Variants in SDK1 observed in about 807,000 individuals in gnomAD.
SDK1 encodes protein sidekick-1.
SDK1 carries 157 observed loss-of-function variants against 245.5 expected under a neutral mutation model. That is an observed-to-expected ratio of 0.64 (90% confidence interval 0.56 to 0.73). SDK1 has a LOEUF of 0.73. Among genes scored for constraint, SDK1 ranks in the 30% least tolerant of loss-of-function variants. The pLI, the probability that SDK1 is intolerant of heterozygous loss-of-function variation, is 0.00. For synonymous variants in SDK1, 1,647 were observed against 1,278.5 expected, an observed-to-expected ratio of 1.29 and a Z score of -6.15; for missense variants, 3,583 against 3,002.3, an observed-to-expected ratio of 1.19 and a Z score of -4.52.
chr7:4,077,223 A>C (rs1584043637), intron 21 of SDK1, 34 bp downstream of exon 21: 1 of 1,592,746 alleles, frequency 6.3e-7, no homozygotes, highest in Non-Finnish European at 8.6e-7. Context: ...TCCTGCTGTC[A>C]CCTTTCTCTT....
chr7:3,440,361 G>T (rs1780159047), intron 1 of SDK1, among the ~76,000 whole-genome samples: 1 of 152,158 alleles, frequency 6.6e-6, no homozygotes, highest in Admixed American at 6.5e-5. Flanking sequence ...TATACAGTCT[G>T]TTGGTTCAGG....
intron 5 of SDK1, among the ~76,000 whole-genome samples, chr7:3,843,046 T>A (rs538604033): frequency 1.3e-5 from 2 of 152,052 alleles, no homozygotes; most frequent in East Asian, 3.9e-4. Context: ...GGAAAACCCA[T>A]GTGTAATGAA....
At chr7:3,633,217 A>G (rs1782351322) in intron 2 of SDK1, among the ~76,000 whole-genome samples, 1 of 152,190 alleles carries the variant, frequency 6.6e-6, no homozygotes, top group Non-Finnish European at 1.5e-5. Context: ...AGTCTTATCT[A>G]AAGTGACATA....
chr7:3,961,728 A>T (rs1338233646), intron 8 of SDK1, among the ~76,000 whole-genome samples: 4 of 152,210 alleles, frequency 2.6e-5, no homozygotes, highest in African/African-American at 9.6e-5. Context: ...GTGTTAAAAG[A>T]TGGCACTCAT....
chr7:3,350,498 T>C (rs7800260), intron 1 of SDK1, among the ~76,000 whole-genome samples: 1 of 152,040 alleles, frequency 6.6e-6, no homozygotes, highest in African/African-American at 2.4e-5. Flanking sequence ...TTCAGTCTTC[T>C]TGGTGGTTAT....
intron 17 of SDK1, among the ~76,000 whole-genome samples, chr7:4,031,128 CAG>C (rs1470853177): frequency 1.3e-5 from 2 of 151,954 alleles, no homozygotes; most frequent in Non-Finnish European, 2.9e-5. Flanking sequence ...TACATGGACA[CAG>C]ATAAGTCTAT....
intron 5 of SDK1, among the ~76,000 whole-genome samples, chr7:3,899,480 G>A (rs1781710635): frequency 6.6e-6 from 1 of 152,212 alleles, no homozygotes; most frequent in South Asian, 2.1e-4. Flanking sequence ...TAGGAAGGGG[G>A]AGCAGTGTGG....
At chr7:3,929,840 A>C (rs899700633) in intron 5 of SDK1, among the ~76,000 whole-genome samples, 1 of 152,050 alleles carries the variant, frequency 6.6e-6, no homozygotes, top group African/African-American at 2.4e-5. Flanking sequence ...ATTTATAAGG[A>C]AGCTGGCTCA....
rs183281977 is a variant in SDK1 at position 3,700,832 on chromosome 7, C to G, written c.713+58727C>G. On this transcript the variant is annotated intron_variant, in intron 4 of 44. Coordinates refer to ENST00000404826, the MANE Select transcript of SDK1 (RefSeq NM_152744.4). The stretch of plus-strand genomic sequence containing the variant: ...TCCTTCCAGATGACCCCAAATACCT[C>G]CCACCTTTTTTCCCCTTATTTCTAT... Among the ~76,000 whole-genome samples, 313 of 152,312 alleles carry G rather than the reference C, an allele frequency of 2.1e-3. 2 individuals carry two copies. Among genetic ancestry groups the G allele is most frequent in the African/African-American group, 7.2e-3 (299 of 41,568 alleles).
chr7:3,966,558 C>G (rs1374148474), intron 9 of SDK1, among the ~76,000 whole-genome samples: 2 of 152,120 alleles, frequency 1.3e-5, no homozygotes, highest in African/African-American at 4.8e-5. Flanking sequence ...GATCATGACA[C>G]CTCCCAGAAA....
Position 3,326,605 on chromosome 7 carries a change from C to T in SDK1, c.298+24721C>T, listed in dbSNP as rs1562415881. 2.0e-5 allele frequency among the ~76,000 whole-genome samples: 3 copies of T among 152,190 alleles called. 1 individual carries two copies. The highest frequency in any genetic ancestry group is 2.0e-4 in the Admixed American group (3 of 15,268). On this transcript the variant is annotated intron_variant, in intron 1 of 44. Coordinates refer to ENST00000404826, the MANE Select transcript of SDK1 (RefSeq NM_152744.4). Reference sequence around the variant, plus strand: ...TTTGGAAAGGTAGTGTTAGTTTACACATCCACTGAGTCCTCATTGCTACAT... The same window carrying T: ...TTTGGAAAGGTAGTGTTAGTTTACATATCCACTGAGTCCTCATTGCTACAT...
chr7:3,626,528 T>C (rs1239392261), intron 2 of SDK1, among the ~76,000 whole-genome samples: 1 of 152,242 alleles, frequency 6.6e-6, no homozygotes, highest in Non-Finnish European at 1.5e-5. Context: ...TGCTTGGTGC[T>C]GGGTGGCCCA....
At chr7:3,795,672 C>T (rs114856653) in intron 4 of SDK1, among the ~76,000 whole-genome samples, 151 of 152,028 alleles carry the variant, frequency 9.9e-4, no homozygotes, top group African/African-American at 3.6e-3. Context: ...GTATTAGAAC[C>T]CATCACGTTA....
chr7:3,828,072 G>A (rs2115069025), intron 5 of SDK1, among the ~76,000 whole-genome samples: 1 of 152,256 alleles, frequency 6.6e-6, no homozygotes, highest in East Asian at 1.9e-4. Context: ...GAGGTCAGGA[G>A]TTTGAGACCA....
At chr7:3,597,838 TA>T (rs1781115659) in intron 1 of SDK1, among the ~76,000 whole-genome samples, 1 of 152,220 alleles carries the variant, frequency 6.6e-6, no homozygotes, top group African/African-American at 2.4e-5. Flanking sequence ...TGTTTCTTTT[TA>T]TTGATGTACG....
intron 4 of SDK1, among the ~76,000 whole-genome samples, chr7:3,727,082 A>G (rs1779034014): frequency 6.6e-6 from 1 of 152,236 alleles, no homozygotes; most frequent in Non-Finnish European, 1.5e-5. Flanking sequence ...CATGCTTCTG[A>G]TAAGAAAGCA....
chr7:3,721,314 T>A (rs1261305355), intron 4 of SDK1, among the ~76,000 whole-genome samples: 1 of 152,224 alleles, frequency 6.6e-6, no homozygotes, highest in Admixed American at 6.5e-5. Context: ...AACATCAGTT[T>A]CCTGGTTTTG....
rs182287929 is a variant in SDK1 at position 3,555,565 on chromosome 7, G to A, written c.299-63515G>A. Among the ~76,000 whole-genome samples, 785 of 152,140 alleles carry A rather than the reference G, an allele frequency of 5.2e-3. 8 individuals carry two copies. The highest frequency in any genetic ancestry group is 0.018 in the African/African-American group (742 of 41,510). ...AAATATGGGCAAACAAAGCAAAAAT[G>A]GACAAATGAGATCACATGAAGTTAA... is the stretch of plus-strand genomic sequence containing the variant. On this transcript the variant is annotated intron_variant, in intron 1 of 44. Coordinates refer to ENST00000404826, the MANE Select transcript of SDK1 (RefSeq NM_152744.4).
intron 5 of SDK1, among the ~76,000 whole-genome samples, chr7:3,828,241 G>A (rs1016936207): frequency 6.6e-6 from 1 of 151,804 alleles, no homozygotes; most frequent in East Asian, 1.9e-4. Context: ...TCACTCCACT[G>A]CACTCCAACC....
Sources: allele counts gnomAD v4.1 joint callset (sites outside exome capture counted in the v4.1 genomes callset), GRCh38; gene constraint gnomAD v4.1.1; transcripts MANE v1.5; gene names NCBI Gene and HGNC (gene_info 2026-07-23, HGNC 2026-07-21).